SGCZ: variants seen among roughly 807,000 people sequenced by gnomAD.
SGCZ encodes the protein zeta-sarcoglycan.
Under a neutral mutation model 41.3 loss-of-function variants are expected in SGCZ, and 40 were observed. The observed-to-expected ratio is 0.97, with a 90% CI of 0.75 to 1.26. The LOEUF (loss-of-function observed/expected upper bound fraction) is 1.26, where lower values mean the gene tolerates loss of function less well. Among genes scored for constraint, SGCZ ranks in the 50% most tolerant of loss-of-function variants. The pLI is 0.00. For missense variants in SGCZ, 552 were observed against 369.8 expected, an observed-to-expected ratio of 1.49 and a Z score of -4.04; for synonymous variants, 206 against 137.5, an observed-to-expected ratio of 1.50 and a Z score of -3.49.
chr8:14,238,973 A>G (rs1385009981), intron 3 of SGCZ, among the ~76,000 whole-genome samples: 1 of 151,866 alleles, frequency 6.6e-6, no homozygotes, highest in African/African-American at 2.4e-5. Context: ...ATATATGTAT[A>G]TATATAAAAA....
At chr8:14,977,007 T>A (rs1801499966) in intron 1 of SGCZ, among the ~76,000 whole-genome samples, 4 of 152,226 alleles carry the variant, frequency 2.6e-5, no homozygotes, top group African/African-American at 9.6e-5. Flanking sequence ...AAACATGCAA[T>A]AGCACATGGA....
chr8:14,218,572 G>A (rs971462383), intron 4 of SGCZ, among the ~76,000 whole-genome samples: 23 of 152,178 alleles, frequency 1.5e-4, no homozygotes, highest in African/African-American at 5.6e-4. Flanking sequence ...TGTGACAGTG[G>A]AATGCATTCT....
chr8:14,571,893 G>A (rs1238082568), intron 1 of SGCZ, among the ~76,000 whole-genome samples: 1 of 152,068 alleles, frequency 6.6e-6, no homozygotes, highest in African/African-American at 2.4e-5. Context: ...CATGATACTT[G>A]CTTGTTTATT....
intron 1 of SGCZ, among the ~76,000 whole-genome samples, chr8:15,027,304 C>T (rs1185365712): frequency 6.6e-6 from 1 of 152,124 alleles, no homozygotes; most frequent in Non-Finnish European, 1.5e-5. Flanking sequence ...GAATCCTTCT[C>T]TACATAGTAT....
chr8:15,211,965 G>T (rs1021832907), intron 1 of SGCZ, among the ~76,000 whole-genome samples: 3 of 152,120 alleles, frequency 2.0e-5, no homozygotes, highest in Non-Finnish European at 4.4e-5. Context: ...ACAAAAGTCA[G>T]ACTGATTAAG....
intron 1 of SGCZ, among the ~76,000 whole-genome samples, chr8:14,749,717 TA>T (rs1799443384): frequency 1.3e-5 from 2 of 151,612 alleles, no homozygotes; most frequent in Admixed American, 1.3e-4. Context: ...TCAAATGCAG[TA>T]AGTTTTTTTT....
chr8:15,119,483 G>T (rs1469796947), intron 1 of SGCZ, among the ~76,000 whole-genome samples: 1 of 151,748 alleles, frequency 6.6e-6, no homozygotes, highest in African/African-American at 2.4e-5. Context: ...AATGAGCCAT[G>T]GTCATGCCAC....
At chr8:14,397,807 A>C (rs1798962091) in intron 2 of SGCZ, among the ~76,000 whole-genome samples, 1 of 152,114 alleles carries the variant, frequency 6.6e-6, no homozygotes, top group Admixed American at 6.6e-5. Flanking sequence ...TTTAGGGTAC[A>C]TCGAAGGTCT....
At chr8:15,075,987 A>C (rs185335364) in intron 1 of SGCZ, among the ~76,000 whole-genome samples, 1 of 152,180 alleles carries the variant, frequency 6.6e-6, no homozygotes, top group Non-Finnish European at 1.5e-5. Flanking sequence ...CATGGAACTA[A>C]TATCATACAG....
chr8:15,130,294 G>T (rs1302665879), intron 1 of SGCZ, among the ~76,000 whole-genome samples: 1 of 152,236 alleles, frequency 6.6e-6, no homozygotes, highest in East Asian at 1.9e-4. Flanking sequence ...CAATATAGGG[G>T]GAAGCCACTT....
At chr8:14,462,235 G>C (rs1445642789) in intron 2 of SGCZ, among the ~76,000 whole-genome samples, 1 of 151,286 alleles carries the variant, frequency 6.6e-6, no homozygotes, top group East Asian at 1.9e-4. Flanking sequence ...CTAAATATAA[G>C]CAACTAACTA....
chr8:14,650,059 C>T (rs1222880899), intron 1 of SGCZ, among the ~76,000 whole-genome samples: 3 of 151,976 alleles, frequency 2.0e-5, no homozygotes, highest in African/African-American at 7.3e-5. Context: ...AAGAAACCTC[C>T]AAAAGGTACA....
intron 3 of SGCZ, among the ~76,000 whole-genome samples, chr8:14,306,188 T>A (rs2116984763): frequency 6.6e-6 from 1 of 152,322 alleles, no homozygotes; most frequent in Non-Finnish European, 1.5e-5. Context: ...ACTATTTCCA[T>A]AACCATCATG....
intron 7 of SGCZ, among the ~76,000 whole-genome samples, chr8:14,091,663 G>GA (rs1801692623): frequency 2.6e-5 from 4 of 151,984 alleles, no homozygotes; most frequent in Admixed American, 6.6e-5. Context: ...CCCACTTTTT[G>GA]ATGGAATTGT....
chr8:14,927,519 G>A (rs187900258), intron 1 of SGCZ, among the ~76,000 whole-genome samples: 21 of 151,058 alleles, frequency 1.4e-4, no homozygotes, highest in Non-Finnish European at 2.2e-4. Flanking sequence ...GAAATAAGAA[G>A]AAGAGCAAGA....
At chr8:14,752,665 T>C (rs1799534604) in intron 1 of SGCZ, among the ~76,000 whole-genome samples, 2 of 152,280 alleles carry the variant, frequency 1.3e-5, no homozygotes, top group East Asian at 1.9e-4. Context: ...GTAAAATGTA[T>C]CATATCTCTA....
Position 14,784,931 on chromosome 8 carries a change from TATAA to T in SGCZ, c.40-230009_40-230006del, listed in dbSNP as rs1403586795. Among the ~76,000 whole-genome samples the T allele has an allele frequency of 7.4e-3, 718 of 97,282 alleles. 51 individuals are homozygous for T. Among genetic ancestry groups the T allele is most frequent in the East Asian group, 0.025 (73 of 2,974 alleles). 63.8% of individuals were successfully genotyped at this position (97,282 alleles called of 152,430 possible). On this transcript the variant is annotated intron_variant, in intron 1 of 7. Coordinates refer to ENST00000382080, the MANE Select transcript of SGCZ (RefSeq NM_139167.4). ...AAAAAAAAATATATATATATATATA[TATAA>T]AATATATATATTTTTTATATTATAT... is the stretch of plus-strand genomic sequence containing the variant.
chr8:14,257,049 G>C (rs539433706), intron 3 of SGCZ, among the ~76,000 whole-genome samples: 2 of 151,980 alleles, frequency 1.3e-5, no homozygotes, highest in Admixed American at 6.6e-5. Context: ...ACAGGTTTCT[G>C]GCCAGGCGTG....
chr8:14,571,052 C>T (rs1397500185), intron 1 of SGCZ, among the ~76,000 whole-genome samples: 1 of 152,102 alleles, frequency 6.6e-6, no homozygotes, highest in Non-Finnish European at 1.5e-5. Context: ...ACACCTGAGA[C>T]TGGGTTTATA....
Sources: gnomAD v4.1 joint callset for allele counts (sites outside exome capture counted in the v4.1 genomes callset) on GRCh38, gnomAD v4.1.1 for gene constraint, MANE v1.5 for transcripts, NCBI Gene and HGNC (gene_info 2026-07-23, HGNC 2026-07-21) for gene names.